GRIK3: variants seen among roughly 807,000 people sequenced by gnomAD.
The protein encoded by GRIK3 is glutamate receptor ionotropic, kainate 3.
A neutral mutation model predicts 102.5 loss-of-function variants in GRIK3; 29 were observed. The observed-to-expected ratio is 0.28, with a 90% CI of 0.21 to 0.39. The LOEUF is 0.39. Ranked by LOEUF, GRIK3 falls within the 10% of genes least tolerant of loss-of-function variation. GRIK3 has a pLI of 1.00. For missense variants in GRIK3, 908 were observed against 1,252.4 expected, an observed-to-expected ratio of 0.73 and a Z score of 4.15; for synonymous variants, 511 against 504.9, an observed-to-expected ratio of 1.01 and a Z score of -0.16.
At chr1:37,029,970 A>G (rs1398802058) in intron 1 of GRIK3, among the ~76,000 whole-genome samples, 2 of 152,222 alleles carry the variant, frequency 1.3e-5, no homozygotes, top group East Asian at 3.8e-4. Context: ...CACCTTGCAT[A>G]AACCACCTCT....
At chr1:36,870,067 T>C (rs1260849982) in intron 4 of GRIK3, among the ~76,000 whole-genome samples, 1 of 152,270 alleles carries the variant, frequency 6.6e-6, no homozygotes, top group Non-Finnish European at 1.5e-5. Flanking sequence ...TTCCAAATTC[T>C]GCAGGGCCCG....
intron 2 of GRIK3, 143 bp downstream of exon 2, chr1:36,890,777 A>G: frequency 1.8e-6 from 1 of 563,966 alleles, no homozygotes; most frequent in East Asian, 2.8e-5. Context: ...AAGTCCAGGC[A>G]GTCTGGCTCC....
At chr1:36,829,241 G>A (rs779425992) in intron 10 of GRIK3, among the ~76,000 whole-genome samples, 1 of 152,084 alleles carries the variant, frequency 6.6e-6, no homozygotes, top group Non-Finnish European at 1.5e-5. Flanking sequence ...TTGCTGTTTC[G>A]GTTCATTACT....
rs376773171 is a variant in GRIK3 at position 37,021,039 on chromosome 1, T to C, written c.115+12955A>G. ...GGTTGGTTTTTCCACATTGGAAAAGTCTAGGCTCTTTTGTTCTCTTAAGAC... is the reference window on the plus strand; with the variant it reads ...GGTTGGTTTTTCCACATTGGAAAAGCCTAGGCTCTTTTGTTCTCTTAAGAC... On this transcript the variant is annotated intron_variant, in intron 1 of 15. Coordinates refer to ENST00000373091, the MANE Select transcript of GRIK3 (RefSeq NM_000831.4). Among the ~76,000 whole-genome samples the C allele has an allele frequency of 4.6e-5, 7 of 152,132 alleles. No homozygotes were observed. The South Asian group carries it at 8.3e-4, about 18-fold the overall frequency.
At chr1:36,804,940 G>C (rs776657718) in intron 15 of GRIK3, 47 bp downstream of exon 15, 3 of 1,602,042 alleles carry the variant, frequency 1.9e-6, no homozygotes, top group Admixed American at 3.4e-5. Flanking sequence ...AAATCAGCGC[G>C]AATCTCCATT....
chr1:36,805,837 G>A (rs1333074052), intron 14 of GRIK3, among the ~76,000 whole-genome samples: 2 of 149,838 alleles, frequency 1.3e-5, no homozygotes, highest in Non-Finnish European at 3.0e-5. Context: ...TCGGGAGGCT[G>A]AGGCAGGAGA....
At chr1:36,926,832 A>C (rs1323054460) in intron 1 of GRIK3, among the ~76,000 whole-genome samples, 1 of 152,208 alleles carries the variant, frequency 6.6e-6, no homozygotes, top group Non-Finnish European at 1.5e-5. Context: ...TCAAGAAAAG[A>C]TATTATTAGC....
At chr1:37,003,961 C>A (rs959893802) in intron 1 of GRIK3, among the ~76,000 whole-genome samples, 2 of 152,112 alleles carry the variant, frequency 1.3e-5, no homozygotes, top group Non-Finnish European at 2.9e-5. Flanking sequence ...ATGGTTCCTG[C>A]CACCTGTTAG....
chr1:36,978,622 T>G (rs971834367), intron 1 of GRIK3, among the ~76,000 whole-genome samples: 1 of 152,196 alleles, frequency 6.6e-6, no homozygotes, highest in African/African-American at 2.4e-5. Flanking sequence ...CTGCGGGGGT[T>G]AGCTGGTCTA....
In GRIK3 at chr1:36,995,184, C is replaced by G. The variant is rs560546365; in HGVS notation, c.115+38810G>C. ...TGCAATTTCCCACAATTTGACACTA[C>G]ACATGAATTTAATAAGCAGACGTAT... On this transcript the variant is annotated intron_variant, in intron 1 of 15. Transcript: ENST00000373091. Among the ~76,000 whole-genome samples, 13 of 152,296 alleles carry G rather than the reference C, an allele frequency of 8.5e-5. No individual in the cohort carries two copies. The South Asian group carries it at 2.7e-3, about 32-fold the overall frequency.
At chr1:36,963,040 G>A (rs76656826) in intron 1 of GRIK3, among the ~76,000 whole-genome samples, 3,246 of 152,274 alleles carry the variant, frequency 0.021, 125 homozygotes, top group African/African-American at 0.075. Flanking sequence ...TCCATTCCAG[G>A]AGGAGAGAGG....
rs763642426 is a variant in GRIK3 at position 36,806,052 on chromosome 1, G to T, written c.2314+52C>A. On this transcript the variant is annotated intron_variant, in intron 14 of 15. Coordinates refer to ENST00000373091, the MANE Select transcript of GRIK3 (RefSeq NM_000831.4). This position sits in a 1 kb window ranked among gnomAD's most constrained non-coding sequence, Gnocchi z 4.0. ...GAGTGTGAGGGGACGCGGGGGTGGAGCCCTCCCTCTGCCCACACACCCACC... is the reference window on the plus strand; with the variant it reads ...GAGTGTGAGGGGACGCGGGGGTGGATCCCTCCCTCTGCCCACACACCCACC... 2.4e-6 allele frequency: 3 copies of T among 1,259,780 alleles called. No homozygotes were observed. The highest frequency in any genetic ancestry group is 3.4e-6 in the Non-Finnish European group (3 of 870,620). The allele number at this position is 1,259,780 out of a possible 1,614,324, so 78.0% of individuals were successfully genotyped here.
chr1:36,981,104 A>G (rs952146454), intron 1 of GRIK3, among the ~76,000 whole-genome samples: 9 of 152,256 alleles, frequency 5.9e-5, no homozygotes, highest in African/African-American at 2.2e-4. Context: ...ACTGAGGCTC[A>G]GGGAAGTATT....
chr1:36,870,901 T>A (rs1180967435), intron 4 of GRIK3, among the ~76,000 whole-genome samples: 2 of 127,542 alleles, frequency 1.6e-5, no homozygotes, highest in African/African-American at 5.8e-5. Context: ...ATTCTTCTGT[T>A]ACACATGCTG....
chr1:36,910,318 T>C (rs1390569269), intron 1 of GRIK3, among the ~76,000 whole-genome samples: 1 of 152,200 alleles, frequency 6.6e-6, no homozygotes, highest in Non-Finnish European at 1.5e-5. Flanking sequence ...TTCCAAGGTG[T>C]TGTGGAGATT....
intron 1 of GRIK3, among the ~76,000 whole-genome samples, chr1:36,979,286 G>C (rs3753772): frequency 0.15 from 22,688 of 152,258 alleles, 2,266 homozygotes; most frequent in African/African-American, 0.29. Context: ...TGGACCAATG[G>C]CATGTGCCAA....
chr1:36,846,218 G>A (rs1055194927), intron 9 of GRIK3, among the ~76,000 whole-genome samples: 5 of 151,968 alleles, frequency 3.3e-5, no homozygotes, highest in Non-Finnish European at 7.4e-5. Flanking sequence ...GAGGGCAGGC[G>A]TCCAGTCTCC....
chr1:36,806,073 C>T lies in GRIK3; in HGVS notation c.2314+31G>A, dbSNP rs369989444. ...TGGAGCCCTCCCTCTGCCCACACAC[C>T]CACCCCTCCCACAGGCAGCCCCTCG... On this transcript the variant is annotated intron_variant, in intron 14 of 15. Transcript: ENST00000373091. The surrounding 1 kb of genome is among the most constrained non-coding windows in gnomAD (Gnocchi z 4.0). 4 of 1,520,302 alleles carry T rather than the reference C, an allele frequency of 2.6e-6. No homozygotes were observed. The African/African-American group carries it at 4.1e-5, about 16-fold the overall frequency. 94.2% of individuals were successfully genotyped at this position (1,520,302 alleles called of 1,614,324 possible). A position where few individuals can be genotyped will look rare whatever the true frequency, so the allele number is the denominator to read the frequency against.
intron 4 of GRIK3, among the ~76,000 whole-genome samples, chr1:36,871,426 C>T (rs1640842586): frequency 6.6e-6 from 1 of 152,202 alleles, no homozygotes; most frequent in African/African-American, 2.4e-5. Context: ...GTGTCAAAGC[C>T]CCACAGAATG....
Sources: allele counts gnomAD v4.1 joint callset (sites outside exome capture counted in the v4.1 genomes callset), GRCh38; gene constraint gnomAD v4.1.1; non-coding constraint Gnocchi (gnomAD v3.1); transcripts MANE v1.5; gene names NCBI Gene and HGNC (gene_info 2026-07-23, HGNC 2026-07-21).